Variants in MEIS2 observed in about 807,000 individuals in gnomAD.
MEIS2 encodes the protein Meis homeobox 2, also known as homeobox protein Meis2.
Under a neutral mutation model 58.6 loss-of-function variants are expected in MEIS2, and 9 were observed. The ratio of observed to expected loss-of-function variants is 0.15; its 90% CI spans 0.09 to 0.27. The LOEUF (loss-of-function observed/expected upper bound fraction) is 0.27, where lower values mean the gene tolerates loss of function less well. Ranked by LOEUF, MEIS2 falls within the 10% of genes least tolerant of loss-of-function variation. The probability of loss-of-function intolerance (pLI) is 1.00; values close to 1 mark genes in which losing one functional copy is unlikely to be tolerated. For missense variants in MEIS2, 427 were observed against 635.0 expected (o/e 0.67, Z 3.52); for synonymous variants, 221 against 228.4 (o/e 0.97, Z 0.29).
At chr15:36,905,518 G>A (rs191750599) in intron 9 of MEIS2, among the ~76,000 whole-genome samples, 7 of 152,260 alleles carry the variant, frequency 4.6e-5, no homozygotes, top group Non-Finnish European at 8.8e-5. Context: ...CTAGGGGCAT[G>A]TGTGTGTGTT....
At chr15:36,989,244 G>T (rs2141544003) in intron 8 of MEIS2, among the ~76,000 whole-genome samples, 1 of 152,272 alleles carries the variant, frequency 6.6e-6, no homozygotes, top group Non-Finnish European at 1.5e-5. Context: ...TAGACAATTT[G>T]GAGGAAGAAC....
chr15:36,931,975 G>C (rs2057998179), intron 9 of MEIS2, among the ~76,000 whole-genome samples: 1 of 152,156 alleles, frequency 6.6e-6, no homozygotes, highest in South Asian at 2.1e-4. Context: ...ATCACTGAAA[G>C]GCAGTGCACA....
intron 9 of MEIS2, among the ~76,000 whole-genome samples, chr15:36,926,141 G>C (rs1242410294): frequency 4.0e-5 from 6 of 151,002 alleles, no homozygotes; most frequent in Admixed American, 4.0e-4. Flanking sequence ...GAAAATGAAA[G>C]TATATTTCAT....
chr15:36,981,321 T>C (rs1185940646), intron 8 of MEIS2, among the ~76,000 whole-genome samples: 1 of 152,182 alleles, frequency 6.6e-6, no homozygotes, highest in East Asian at 1.9e-4. Flanking sequence ...TCTTTTTATT[T>C]CATTTTGTTC....
In MEIS2 at chr15:37,098,379, GGAGAGAGAGAGAGA is replaced by G. The variant is rs534692479; in HGVS notation, c.13-194_13-181del. On this transcript the variant is annotated intron_variant, in intron 1 of 11. Coordinates refer to ENST00000561208, the MANE Select transcript of MEIS2 (RefSeq NM_170675.5). ...GAGGAGGAGGAAAAGGAGGAGAGGG[GGAGAGAGAGAGAGA>G]GAGAGAGAGAGAGAGAGAGAGAGAG... 1.8e-3 allele frequency: 553 copies of G among 307,848 alleles called. 2 individuals are homozygous for G. Among genetic ancestry groups the G allele is most frequent in the Middle Eastern group, 3.7e-3 (2 of 542 alleles). The allele number at this position is 307,848 out of a possible 1,614,324, so 19.1% of individuals were successfully genotyped here.
chr15:36,944,176 C>T (rs1166004581), intron 9 of MEIS2, among the ~76,000 whole-genome samples: 1 of 152,008 alleles, frequency 6.6e-6, no homozygotes, highest in African/African-American at 2.4e-5. Flanking sequence ...CCTGGTTACC[C>T]CCAGTTACAT....
intron 8 of MEIS2, among the ~76,000 whole-genome samples, chr15:36,981,578 G>T (rs1462588528): frequency 1.3e-5 from 2 of 151,892 alleles, no homozygotes; most frequent in African/African-American, 4.8e-5. Context: ...GTGAGTGGGC[G>T]TGTGTGTGTG....
At chr15:36,951,088 C>A (rs912236966) in intron 8 of MEIS2, among the ~76,000 whole-genome samples, 3 of 152,108 alleles carry the variant, frequency 2.0e-5, no homozygotes, top group African/African-American at 7.2e-5. Flanking sequence ...TTACATTTTA[C>A]CTTCAACTAC....
chr15:37,040,400 C>A (rs2062373871), intron 7 of MEIS2, among the ~76,000 whole-genome samples: 1 of 152,048 alleles, frequency 6.6e-6, no homozygotes, highest in African/African-American at 2.4e-5. Flanking sequence ...TTTTGCCAAC[C>A]CCCACGGTGG....
intron 8 of MEIS2, among the ~76,000 whole-genome samples, chr15:36,970,320 C>T (rs575839870): frequency 6.3e-4 from 96 of 151,522 alleles, no homozygotes; most frequent in African/African-American, 2.1e-3. Flanking sequence ...AGGAGAATGG[C>T]GTGAACCCGG....
chr15:36,920,339 G>T (rs1159718102), intron 9 of MEIS2, among the ~76,000 whole-genome samples: 5 of 152,000 alleles, frequency 3.3e-5, no homozygotes, highest in African/African-American at 4.8e-5. Context: ...AGTAGACAGG[G>T]TTTCTCCACA....
chr15:37,005,581 T>G (rs2060892033), intron 8 of MEIS2, among the ~76,000 whole-genome samples: 1 of 152,146 alleles, frequency 6.6e-6, no homozygotes. Context: ...CTTTTTTTTT[T>G]GAGATAAGGT....
At position 37,093,603 on chromosome 15, in the gene MEIS2, G is replaced by T; in HGVS notation, c.617C>A (p.Ser206Tyr). The change falls in exon 6 of 12, where the codon TCC (serine) becomes TAC (tyrosine). Residue 206 changes from serine to tyrosine, a missense_variant. Coordinates refer to ENST00000561208, the MANE Select transcript of MEIS2 (RefSeq NM_170675.5). ...SKSDHEELSG[S>Y]STNLADHNPS... The stretch of plus-strand genomic sequence containing the variant: ...TACATGGTCAGCGAGATTTGTGGAG[G>T]AGCCTGAAAGTTCTTCATGATCTGA... The T allele has an allele frequency of 6.2e-7, 1 of 1,614,176 alleles. No homozygotes were observed. The highest frequency in any genetic ancestry group is 8.5e-7 in the Non-Finnish European group (1 of 1,180,030).
At position 37,093,699 on chromosome 15, in the gene MEIS2, C is replaced by T. The variant is rs752485891; in HGVS notation, c.521G>A (p.Arg174Gln). 1.2e-6 allele frequency: 2 copies of T among 1,614,116 alleles called. No homozygotes were observed. The highest frequency in any genetic ancestry group is 1.7e-6 in the Non-Finnish European group (2 of 1,180,032). The change falls in exon 6 of 12, where the codon CGA becomes CAA. Residue 174 changes from arginine (R) to glutamine (Q), a missense_variant. This residue lies in a region of MEIS2 where 138 missense variants were observed against 263.0 expected (regional missense o/e 0.52). Coordinates refer to ENST00000561208, the MANE Select transcript of MEIS2 (RefSeq NM_170675.5). ...TTTCCCCTTCAAACAGCTAATGTAT[C>T]GGTGGCAGAAGTTATCGCACAGTTC... ...VHELCDNFCH[R>Q]YISCLKGKMP...
intron 7 of MEIS2, among the ~76,000 whole-genome samples, chr15:37,067,214 C>G (rs1049084314): frequency 6.6e-6 from 1 of 151,784 alleles, no homozygotes; most frequent in South Asian, 2.1e-4. Context: ...CTCAGCCTCC[C>G]AAGCAGCTGT....
intron 8 of MEIS2, among the ~76,000 whole-genome samples, chr15:36,963,156 C>A (rs552847271): frequency 2.1e-4 from 32 of 152,204 alleles, no homozygotes; most frequent in Admixed American, 3.3e-4. Flanking sequence ...GGGCAGATCA[C>A]CTGAGGCCAG....
chr15:36,935,906 T>C (rs1567074733), intron 9 of MEIS2, among the ~76,000 whole-genome samples: 7 of 152,210 alleles, frequency 4.6e-5, no homozygotes, highest in African/African-American at 1.7e-4. Context: ...AGAGCTTCAC[T>C]TTATAAGCAA....
Position 36,890,763 on chromosome 15 carries a change from T to A in MEIS2, c.*1410A>T, listed in dbSNP as rs941083682. On this transcript the variant is annotated 3_prime_UTR_variant, in exon 12 of 12. Transcript: ENST00000561208. Reference sequence around the variant, plus strand: ...AGTATATATTTTTTAACGTCATGCATCTAAAAAGGAGGTTGAGCATGTTCA... The same window carrying A: ...AGTATATATTTTTTAACGTCATGCAACTAAAAAGGAGGTTGAGCATGTTCA... 1 of 152,190 alleles carries A rather than the reference T, an allele frequency of 6.6e-6. No homozygotes were observed. Among genetic ancestry groups the A allele is most frequent in the African/African-American group, 2.4e-5 (1 of 41,460 alleles). The allele number at this position is 152,190 out of a possible 1,614,324, so 9.4% of individuals were successfully genotyped here. A position where few individuals can be genotyped will look rare whatever the true frequency, so the allele number is the denominator to read the frequency against.
intron 8 of MEIS2, among the ~76,000 whole-genome samples, chr15:36,968,437 A>C (rs2059425697): frequency 6.6e-6 from 1 of 152,206 alleles, no homozygotes; most frequent in Non-Finnish European, 1.5e-5. Flanking sequence ...GAAGCTACTC[A>C]GCCTGAATTG....
Sources: gnomAD v4.1 joint callset for allele counts (sites outside exome capture counted in the v4.1 genomes callset) on GRCh38, gnomAD v4.1.1 for gene constraint, gnomAD v4.1.1 regional missense constraint, MANE v1.5 for transcripts, NCBI Gene and HGNC (gene_info 2026-07-23, HGNC 2026-07-21) for gene names.